Variants in PTPRZ1 observed in about 807,000 individuals in gnomAD.
PTPRZ1 encodes the protein protein tyrosine phosphatase receptor type Z1.
PTPRZ1 carries 82 observed loss-of-function variants against 214.1 expected under a neutral mutation model. That is an observed-to-expected ratio of 0.38 (90% CI 0.32 to 0.46). The LOEUF is 0.46. Among genes scored for constraint, PTPRZ1 ranks in the 20% least tolerant of loss-of-function variants. The pLI is 1.00. For missense variants in PTPRZ1, 2,603 were observed against 2,748.7 expected (o/e 0.95, Z 1.19); for synonymous variants, 945 against 987.9 (o/e 0.96, Z 0.81).
In PTPRZ1 at chr7:122,032,006, TA is replaced by T. The variant is rs538007105; in HGVS notation, c.5166+452del. On this transcript the variant is annotated intron_variant, in intron 15 of 29. Transcript: ENST00000393386. ...TAGATAACACTTACATTATACCAGGTAAAAATGTATCTTCTTTTCAAGAAAA... is the reference window on the plus strand; with the variant it reads ...TAGATAACACTTACATTATACCAGGTAAAATGTATCTTCTTTTCAAGAAAA... 3 of 152,278 alleles carry T rather than the reference TA, an allele frequency of 2.0e-5. No individual in the cohort carries two copies. The South Asian group carries it at 6.2e-4, about 32-fold the overall frequency. 9.4% of individuals were successfully genotyped at this position (152,278 alleles called of 1,614,324 possible).
chr7:121,920,625 TG>T (rs912232783), intron 1 of PTPRZ1, among the ~76,000 whole-genome samples: 1 of 152,176 alleles, frequency 6.6e-6, no homozygotes, highest in Admixed American at 6.5e-5. Context: ...ACAATAACAA[TG>T]AGTTTGTGCT....
chr7:121,952,049 C>T (rs1406620564), intron 2 of PTPRZ1, among the ~76,000 whole-genome samples: 1 of 151,942 alleles, frequency 6.6e-6, no homozygotes, highest in Non-Finnish European at 1.5e-5. Context: ...AGCTCCGCCT[C>T]CCGGGTTCAC....
At chr7:121,928,944 G>A (rs1379391133) in intron 2 of PTPRZ1, among the ~76,000 whole-genome samples, 2 of 152,114 alleles carry the variant, frequency 1.3e-5, no homozygotes, top group Admixed American at 1.3e-4. Flanking sequence ...CATTAGAGTT[G>A]GGTACTCATT....
chr7:122,019,174 G>C lies in PTPRZ1; in HGVS notation c.4894G>C (p.Glu1632Gln). The C allele has an allele frequency of 6.2e-7, 1 of 1,611,976 alleles. No individual in the cohort carries two copies. Among genetic ancestry groups the C allele is most frequent in the Non-Finnish European group, 8.5e-7 (1 of 1,178,158 alleles). Residue 1632 changes from glutamate (E) to glutamine (Q), a missense_variant, in exon 13 of 30, where the codon GAA becomes CAA. Physicochemically the swap from Glu to Gln is conservative, Grantham distance 29. Coordinates refer to ENST00000393386, the MANE Select transcript of PTPRZ1 (RefSeq NM_002851.3). ...TCGTATTGGTCTAGCTGAGGGGTTG[G>C]AATCCGAGAAGAAGGCAGTTATACC... ...ESRIGLAEGLESEKKAVIPLV... is the reference protein window; with the variant it reads ...ESRIGLAEGLQSEKKAVIPLV...
intron 22 of PTPRZ1, 57 bp downstream of exon 22, chr7:122,042,800 T>G: frequency 6.5e-7 from 1 of 1,542,310 alleles, no homozygotes; most frequent in South Asian, 1.2e-5. Context: ...GTCACTAAAA[T>G]GTAGGTGTAT....
At chr7:122,054,179 C>A in intron 26 of PTPRZ1, 141 bp downstream of exon 26, 2 of 895,004 alleles carry the variant, frequency 2.2e-6, no homozygotes, top group Non-Finnish European at 3.3e-6. Context: ...TACTCTTCTG[C>A]TGTTGGGCTT....
intron 2 of PTPRZ1, among the ~76,000 whole-genome samples, chr7:121,940,819 G>A (rs1796219248): frequency 6.6e-6 from 1 of 150,524 alleles, no homozygotes; most frequent in Non-Finnish European, 1.5e-5. Context: ...AAAAAAAAAA[G>A]GGCTCTTTAG....
At chr7:121,953,806 G>A (rs142634173) in intron 2 of PTPRZ1, among the ~76,000 whole-genome samples, 8 of 136,046 alleles carry the variant, frequency 5.9e-5, no homozygotes, top group East Asian at 2.2e-4. Flanking sequence ...ACGGTGATTC[G>A]GTGATTGTTC....
chr7:121,989,708 C>T (rs1194176653), intron 8 of PTPRZ1, among the ~76,000 whole-genome samples: 1 of 152,182 alleles, frequency 6.6e-6, no homozygotes, highest in South Asian at 2.1e-4. Flanking sequence ...CTATCTCCTT[C>T]GGAACTGAAT....
At chr7:121,881,365 T>G (rs578075940) in intron 1 of PTPRZ1, among the ~76,000 whole-genome samples, 85 of 152,326 alleles carry the variant, frequency 5.6e-4, no homozygotes, top group African/African-American at 2.0e-3. Flanking sequence ...AAGCTGACTA[T>G]GCACCTGGGA....
At chr7:121,881,821 G>A (rs1021030863) in intron 1 of PTPRZ1, among the ~76,000 whole-genome samples, 1 of 152,100 alleles carries the variant, frequency 6.6e-6, no homozygotes, top group African/African-American at 2.4e-5. Context: ...CTTCCGAGAT[G>A]GGGACTCCAA....
chr7:122,030,939 GA>G (rs1799350513), intron 14 of PTPRZ1, among the ~76,000 whole-genome samples: 1 of 151,926 alleles, frequency 6.6e-6, no homozygotes. Flanking sequence ...TATCCTTAAT[GA>G]AATTCTCCAT....
intron 1 of PTPRZ1, among the ~76,000 whole-genome samples, chr7:121,919,601 C>T (rs1454836582): frequency 6.6e-6 from 1 of 152,002 alleles, no homozygotes; most frequent in Non-Finnish European, 1.5e-5. Flanking sequence ...AGTTTTTATG[C>T]ATCTTTTTAA....
chr7:121,987,047 G>C (rs1035528129), intron 8 of PTPRZ1, among the ~76,000 whole-genome samples: 1 of 152,088 alleles, frequency 6.6e-6, no homozygotes, highest in African/African-American at 2.4e-5. Flanking sequence ...AGTGTTATCC[G>C]CTTATATTGT....
At chr7:121,891,213 C>T (rs1794595410) in intron 1 of PTPRZ1, among the ~76,000 whole-genome samples, 1 of 152,108 alleles carries the variant, frequency 6.6e-6, no homozygotes. Context: ...CCTGGACACA[C>T]TGCAGTGATA....
intron 22 of PTPRZ1, among the ~76,000 whole-genome samples, chr7:122,042,955 G>T (rs1217310179): frequency 6.6e-6 from 1 of 152,088 alleles, no homozygotes; most frequent in Non-Finnish European, 1.5e-5. Flanking sequence ...TTCATCTCCT[G>T]GTAGCCCCAT....
chr7:121,972,583 T>C lies in PTPRZ1; in HGVS notation c.347T>C (p.Val116Ala). Reference protein sequence around the residue: ...LTNDYRVSGGVSEMVFKASKI... With the variant: ...LTNDYRVSGGASEMVFKASKI... ...AATGACTACCGTGTCAGCGGAGGAG[T>C]TTCAGAAATGGTGTTTAAAGCAAGC... The change falls in exon 4 of 30, where the codon GTT becomes GCT. Residue 116 changes from valine (V) to alanine (A), a missense_variant. Val to Ala is a moderately conservative substitution (Grantham distance 64). Transcript: ENST00000393386. 6.2e-7 allele frequency: 1 copy of C among 1,613,118 alleles called. No homozygotes were observed. The highest frequency in any genetic ancestry group is 8.5e-7 in the Non-Finnish European group (1 of 1,179,602).
chr7:121,882,560 G>C (rs1794274633), intron 1 of PTPRZ1, among the ~76,000 whole-genome samples: 1 of 152,176 alleles, frequency 6.6e-6, no homozygotes, highest in East Asian at 1.9e-4. Context: ...CAAATGGTAG[G>C]TAGGATTTAC....
chr7:121,928,380 T>C (rs1048265309), intron 2 of PTPRZ1, among the ~76,000 whole-genome samples, 159 bp downstream of exon 2: 2 of 152,142 alleles, frequency 1.3e-5, no homozygotes, highest in African/African-American at 4.8e-5. Flanking sequence ...TAAAACGATA[T>C]CTTATGGGCT....
Sources: gnomAD v4.1 joint callset for allele counts (sites outside exome capture counted in the v4.1 genomes callset) on GRCh38, gnomAD v4.1.1 for gene constraint, MANE v1.5 for transcripts, NCBI Gene and HGNC (gene_info 2026-07-23, HGNC 2026-07-21) for gene names.